CHSY3: variants seen among roughly 807,000 people sequenced by gnomAD.
CHSY3 encodes the protein chondroitin sulfate synthase 3, also known as N-acetylgalactosaminyl-proteoglycan 3-beta-glucuronosyltransferase 3.
A neutral mutation model predicts 67.2 loss-of-function variants in CHSY3; 35 were observed. The ratio of observed to expected loss-of-function variants is 0.52; its 90% CI spans 0.40 to 0.69. CHSY3 has a LOEUF of 0.69. Among genes scored for constraint, CHSY3 ranks in the 30% least tolerant of loss-of-function variants. The pLI is 0.00. For synonymous variants in CHSY3, 474 were observed against 434.7 expected, an observed-to-expected ratio of 1.09 and a Z score of -1.12; for missense variants, 1,069 against 1,138.5, an observed-to-expected ratio of 0.94 and a Z score of 0.88.
At chr5:130,018,276 T>A (rs1206187071) in intron 2 of CHSY3, among the ~76,000 whole-genome samples, 1 of 152,228 alleles carries the variant, frequency 6.6e-6, no homozygotes, top group Non-Finnish European at 1.5e-5. Flanking sequence ...TTTCACTATC[T>A]TAGTGAAATA....
chr5:130,138,836 G>A (rs1459128134), intron 2 of CHSY3, among the ~76,000 whole-genome samples: 2 of 152,150 alleles, frequency 1.3e-5, no homozygotes, highest in African/African-American at 2.4e-5. Context: ...TTAAAGTAGA[G>A]CAATGATGAG....
chr5:129,957,945 T>TA (rs1762225376), intron 2 of CHSY3, among the ~76,000 whole-genome samples: 1 of 152,140 alleles, frequency 6.6e-6, no homozygotes, highest in South Asian at 2.1e-4. Flanking sequence ...ATCTGTAACT[T>TA]ACTATGTTGA....
chr5:130,020,303 C>A (rs562794896), intron 2 of CHSY3, among the ~76,000 whole-genome samples: 1 of 151,312 alleles, frequency 6.6e-6, no homozygotes, highest in East Asian at 2.0e-4. Context: ...TGCCTGTAGT[C>A]CAGCTACTCG....
intron 2 of CHSY3, among the ~76,000 whole-genome samples, chr5:130,154,984 C>T (rs924786340): frequency 6.6e-6 from 1 of 152,176 alleles, no homozygotes; most frequent in African/African-American, 2.4e-5. Context: ...TTCTAACACA[C>T]TCTTCGATGA....
At chr5:130,132,540 A>G (rs1052918522) in intron 2 of CHSY3, among the ~76,000 whole-genome samples, 1 of 152,194 alleles carries the variant, frequency 6.6e-6, no homozygotes, top group Non-Finnish European at 1.5e-5. Flanking sequence ...AGCCACAGTG[A>G]CAAAATCTCA....
intron 2 of CHSY3, among the ~76,000 whole-genome samples, chr5:130,070,326 A>T (rs1766018991): frequency 6.6e-6 from 1 of 152,138 alleles, no homozygotes; most frequent in Non-Finnish European, 1.5e-5. Flanking sequence ...AAGCAATTTG[A>T]GTTTTTCCCA....
In CHSY3 at chr5:130,162,018, C is replaced by T. The variant is rs1580791275; in HGVS notation, c.1087-22211C>T. 2.5e-5 allele frequency among the ~76,000 whole-genome samples: 3 copies of T among 121,248 alleles called. No individual in the cohort carries two copies. In the Admixed American group the frequency reaches 3.1e-4, roughly 12 times the overall value. The allele number at this position is 121,248 out of a possible 152,430, so 79.5% of individuals were successfully genotyped here. On this transcript the variant is annotated intron_variant, in intron 2 of 2. Coordinates refer to ENST00000305031, the MANE Select transcript of CHSY3 (RefSeq NM_175856.5). ...TTGTGCCATTTCACTGCAGCCTGGG[C>T]AACCAGAGTGAGACCCTGTCTCAAA...
At chr5:130,030,200 T>C (rs1437338306) in intron 2 of CHSY3, among the ~76,000 whole-genome samples, 1 of 152,128 alleles carries the variant, frequency 6.6e-6, no homozygotes, top group Non-Finnish European at 1.5e-5. Flanking sequence ...CATCTCAATG[T>C]TTTGTTCTAA....
intron 2 of CHSY3, among the ~76,000 whole-genome samples, chr5:129,971,589 A>G (rs1762641686): frequency 6.6e-6 from 1 of 151,970 alleles, no homozygotes; most frequent in Non-Finnish European, 1.5e-5. Context: ...TTTACAAATG[A>G]GAAAATTGTG....
At chr5:129,952,373 A>G (rs1212411841) in intron 2 of CHSY3, among the ~76,000 whole-genome samples, 1 of 152,190 alleles carries the variant, frequency 6.6e-6, no homozygotes, top group Non-Finnish European at 1.5e-5. Flanking sequence ...TGAAGGTCAA[A>G]TATGCTTTTT....
At chr5:129,922,478 C>T (rs1162312597) in intron 2 of CHSY3, among the ~76,000 whole-genome samples, 1 of 152,190 alleles carries the variant, frequency 6.6e-6, no homozygotes, top group Non-Finnish European at 1.5e-5. Context: ...CCCTTTTCTC[C>T]ACATTCTCAC....
At chr5:130,076,020 G>C (rs367734967) in intron 2 of CHSY3, among the ~76,000 whole-genome samples, 1 of 152,042 alleles carries the variant, frequency 6.6e-6, no homozygotes, top group African/African-American at 2.4e-5. Context: ...ATAGGAATAG[G>C]GATCCATGTC....
chr5:129,919,371 G>C (rs1366595347), intron 2 of CHSY3, among the ~76,000 whole-genome samples: 1 of 152,160 alleles, frequency 6.6e-6, no homozygotes, highest in East Asian at 1.9e-4. Context: ...CAACTAATCA[G>C]TTGCACTCAG....
chr5:130,000,615 C>G (rs970592661), intron 2 of CHSY3, among the ~76,000 whole-genome samples: 1 of 151,126 alleles, frequency 6.6e-6, no homozygotes, highest in Non-Finnish European at 1.5e-5. Context: ...TTCTGTCACC[C>G]AGGCTGGAGT....
At chr5:129,933,152 G>A (rs1478406823) in intron 2 of CHSY3, among the ~76,000 whole-genome samples, 3 of 152,168 alleles carry the variant, frequency 2.0e-5, no homozygotes, top group Non-Finnish European at 4.4e-5. Flanking sequence ...AGGATGGCAT[G>A]GCTGATGAGC....
At chr5:130,027,855 T>C (rs1254343173) in intron 2 of CHSY3, among the ~76,000 whole-genome samples, 9 of 152,206 alleles carry the variant, frequency 5.9e-5, no homozygotes, top group Admixed American at 2.6e-4. Context: ...CCACATTTTC[T>C]TAATCCAGTC....
chr5:129,999,262 T>C lies in CHSY3; in HGVS notation c.1086+90902T>C, dbSNP rs569515437. On this transcript the variant is annotated intron_variant, in intron 2 of 2. Transcript: ENST00000305031. ...CTATATACATATACACCCAACCTTT[T>C]GTGAAAATTGAATGGAAAAAATGAA... Among the ~76,000 whole-genome samples, 4 of 152,202 alleles carry C rather than the reference T, an allele frequency of 2.6e-5. No homozygotes were observed. The South Asian group carries it at 8.3e-4, about 32-fold the overall frequency.
intron 2 of CHSY3, among the ~76,000 whole-genome samples, chr5:130,038,282 C>T (rs1456542445): frequency 6.6e-6 from 1 of 152,044 alleles, no homozygotes; most frequent in African/African-American, 2.4e-5. Flanking sequence ...AAAGGTACCT[C>T]TTTATGTTTC....
chr5:130,118,554 A>G (rs1391431494), intron 2 of CHSY3, among the ~76,000 whole-genome samples: 1 of 152,010 alleles, frequency 6.6e-6, no homozygotes, highest in East Asian at 1.9e-4. Flanking sequence ...TGTATTATAT[A>G]GTGGTGATTC....
Sources: gnomAD v4.1 joint callset for allele counts (sites outside exome capture counted in the v4.1 genomes callset) on GRCh38, gnomAD v4.1.1 for gene constraint, MANE v1.5 for transcripts, NCBI Gene and HGNC (gene_info 2026-07-23, HGNC 2026-07-21) for gene names.